The following SRGAP3 variants were observed in gnomAD, a reference collection of about 807,000 sequenced individuals.
The protein encoded by SRGAP3 is SLIT-ROBO Rho GTPase-activating protein 3.
SRGAP3 carries 39 observed loss-of-function variants against 121.1 expected under a neutral mutation model. The ratio of observed to expected loss-of-function variants is 0.32; its 90% CI spans 0.25 to 0.42. The LOEUF (loss-of-function observed/expected upper bound fraction) is 0.42, where lower values mean the gene tolerates loss of function less well. Among genes scored for constraint, SRGAP3 ranks in the 10% least tolerant of loss-of-function variants. SRGAP3 has a pLI of 1.00. For synonymous variants in SRGAP3, 601 were observed against 570.0 expected (o/e 1.05, Z -0.77); for missense variants, 1,213 against 1,470.6 (o/e 0.82, Z 2.86).
In SRGAP3 at chr3:9,239,924, T is replaced by C. The variant is rs767384693; in HGVS notation, c.67+8961A>G. 6.6e-5 allele frequency among the ~76,000 whole-genome samples: 10 copies of C among 152,162 alleles called. No homozygotes were observed. The highest frequency in any genetic ancestry group is 2.0e-4 in the Admixed American group (3 of 15,276). On this transcript the variant is annotated intron_variant, in intron 1 of 21. Coordinates refer to ENST00000383836, the MANE Select transcript of SRGAP3 (RefSeq NM_014850.4). The surrounding 1 kb of genome is among the most constrained non-coding windows in gnomAD (Gnocchi z 4.0). ...TTGTGCAGCCTGACATATTCTAAAA[T>C]GTAACTCAGAAAACAGAGTCTTGTG...
At chr3:9,033,716 C>G (rs1292762713) in intron 11 of SRGAP3, 1 of 152,292 alleles carries the variant, frequency 6.6e-6, no homozygotes, top group African/African-American at 2.4e-5. Flanking sequence ...AGCCTCCTTA[C>G]CCAGCCTCAA....
rs187769437 is a variant in SRGAP3, at chr3:9,149,316, A to G, written c.68-24399T>C. The stretch of plus-strand genomic sequence containing the variant: ...GGTCCCAGTTAGTTGAGAGCTGGCC[A>G]AGTTCATTAACTGCACCTCAGTTTC... On this transcript the variant is annotated intron_variant, in intron 1 of 21. Transcript: ENST00000383836. 2.5e-3 allele frequency among the ~76,000 whole-genome samples: 377 copies of G among 152,208 alleles called. 1 individual carries two copies. The highest frequency in any genetic ancestry group is 7.5e-3 in the African/African-American group (312 of 41,512).
At chr3:9,013,944 G>A (rs1225761905) in intron 15 of SRGAP3, 102 bp from the exon 16 acceptor site, 1 of 1,032,572 alleles carries the variant, frequency 9.7e-7, no homozygotes, top group East Asian at 2.5e-5. Context: ...GTGGATGGGG[G>A]AGCCAGCTCT....
At chr3:9,349,765 T>C (rs2029974533) in intron 1 of SRGAP3, 1 of 152,284 alleles carries the variant, frequency 6.6e-6, no homozygotes, top group Non-Finnish European at 1.5e-5. Context: ...TTCTGGGATT[T>C]CTCGTGGCAG....
chr3:9,055,263 T>C (rs1945766214), intron 8 of SRGAP3, among the ~76,000 whole-genome samples: 1 of 152,254 alleles, frequency 6.6e-6, no homozygotes, highest in Non-Finnish European at 1.5e-5. Flanking sequence ...AAAGTTGCTG[T>C]CTCTGCCCAG....
intron 1 of SRGAP3, among the ~76,000 whole-genome samples, chr3:9,158,720 C>G (rs570276203): frequency 2.0e-5 from 3 of 152,226 alleles, no homozygotes; most frequent in South Asian, 2.1e-4. Flanking sequence ...GACAGACTAA[C>G]GCAGTTGTTC....
chr3:9,138,361 A>G (rs1209499750), intron 1 of SRGAP3, among the ~76,000 whole-genome samples: 2 of 152,226 alleles, frequency 1.3e-5, no homozygotes, highest in Admixed American at 6.5e-5. Flanking sequence ...ATGTTATTAA[A>G]TTATACCTAG....
chr3:9,049,617 G>A, intron 9 of SRGAP3: 1 of 408,080 alleles, frequency 2.5e-6, no homozygotes, highest in Non-Finnish European at 4.9e-6. Context: ...AGAGGGCCAG[G>A]GGCTTGTAAC....
chr3:9,018,853 C>T (rs2125048911), intron 14 of SRGAP3, among the ~76,000 whole-genome samples: 1 of 152,316 alleles, frequency 6.6e-6, no homozygotes, highest in Non-Finnish European at 1.5e-5. Context: ...ATCCTTCTCT[C>T]CTCCACACCT....
upstream of SRGAP3, among the ~76,000 whole-genome samples, chr3:9,254,502 A>C (rs1406628469): frequency 6.6e-6 from 1 of 152,198 alleles, no homozygotes; most frequent in African/African-American, 2.4e-5. Flanking sequence ...GTGATCATTA[A>C]AATGTTTTGG....
At chr3:9,075,899 G>A (rs926857018) in intron 4 of SRGAP3, among the ~76,000 whole-genome samples, 6 of 152,206 alleles carry the variant, frequency 3.9e-5, no homozygotes, top group African/African-American at 1.4e-4. Flanking sequence ...GCAGCTGGGT[G>A]GCTGGAGTGA....
intron 2 of SRGAP3, among the ~76,000 whole-genome samples, chr3:9,112,752 A>T (rs1452430840): frequency 2.0e-5 from 3 of 152,014 alleles, no homozygotes; most frequent in Non-Finnish European, 4.4e-5. Flanking sequence ...ACACTATGTC[A>T]TTGTCATTAC....
intron 20 of SRGAP3, 96 bp downstream of exon 20, chr3:8,992,810 T>G: frequency 6.2e-7 from 1 of 1,603,096 alleles, no homozygotes; most frequent in Middle Eastern, 1.7e-4. Context: ...GGGGCTGCAG[T>G]AGGCTCCTTC....
intron 9 of SRGAP3, among the ~76,000 whole-genome samples, chr3:9,051,906 T>G (rs569824067): frequency 2.6e-5 from 4 of 152,150 alleles, no homozygotes; most frequent in African/African-American, 9.6e-5. Flanking sequence ...AGAGACGGGT[T>G]TTCACCGTGT....
chr3:9,042,450 A>T (rs2125124364), intron 10 of SRGAP3, among the ~76,000 whole-genome samples: 1 of 152,094 alleles, frequency 6.6e-6, no homozygotes, highest in East Asian at 1.9e-4. Flanking sequence ...AAAAAAAAAA[A>T]AAGGCAGAAT....
At chr3:9,216,176 C>G (rs1351410165) in intron 1 of SRGAP3, among the ~76,000 whole-genome samples, 1 of 152,244 alleles carries the variant, frequency 6.6e-6, no homozygotes, top group African/African-American at 2.4e-5. Context: ...CCAGGTCATT[C>G]TCTTATGCTT....
intron 4 of SRGAP3, among the ~76,000 whole-genome samples, chr3:9,078,003 G>GTATT (rs1947052692): frequency 2.0e-5 from 3 of 152,168 alleles, no homozygotes; most frequent in Middle Eastern, 3.2e-3. Context: ...GTTGGGAGAC[G>GTATT]GGATATAGAC....
intron 1 of SRGAP3, among the ~76,000 whole-genome samples, chr3:9,168,086 C>T (rs765724305): frequency 4.6e-5 from 7 of 152,136 alleles, no homozygotes; most frequent in African/African-American, 9.7e-5. Context: ...AAAGGAAACC[C>T]GGAGAGGTTA....
At chr3:9,080,716 T>C (rs951816344) in intron 3 of SRGAP3, among the ~76,000 whole-genome samples, 31 of 152,236 alleles carry the variant, frequency 2.0e-4, no homozygotes, top group East Asian at 1.9e-3. Flanking sequence ...GTGGTGGCAT[T>C]AGATTCTCAT....
Sources: gnomAD v4.1 joint callset for allele counts (sites outside exome capture counted in the v4.1 genomes callset) on GRCh38, gnomAD v4.1.1 for gene constraint, Gnocchi (gnomAD v3.1) non-coding constraint, MANE v1.5 for transcripts, NCBI Gene and HGNC (gene_info 2026-07-23, HGNC 2026-07-21) for gene names.